Variants in ZMYM1 observed in about 807,000 individuals in gnomAD.
ZMYM1 encodes the protein zinc finger MYM-type containing 1.
ZMYM1 carries 39 observed loss-of-function variants against 60.0 expected under a neutral mutation model. The ratio of observed to expected loss-of-function variants is 0.65; its 90% CI spans 0.50 to 0.85. The LOEUF (loss-of-function observed/expected upper bound fraction) is 0.85, where lower values mean the gene tolerates loss of function less well. Among genes scored for constraint, ZMYM1 ranks in the 40% least tolerant of loss-of-function variants. ZMYM1 has a pLI of 0.00. For missense variants in ZMYM1, 1,171 were observed against 1,309.5 expected, an observed-to-expected ratio of 0.89 and a Z score of 1.63; for synonymous variants, 413 against 454.0, an observed-to-expected ratio of 0.91 and a Z score of 1.15.
intron 4 of ZMYM1, 54 bp downstream of exon 4, chr1:35,097,620 T>G: frequency 6.3e-7 from 1 of 1,582,878 alleles, no homozygotes; most frequent in Non-Finnish European, 8.7e-7. Context: ...TTCTTGATCA[T>G]AGTCTTAGTT....
intron 3 of ZMYM1, among the ~76,000 whole-genome samples, chr1:35,096,727 G>A (rs752602274): frequency 4.0e-5 from 6 of 151,830 alleles, no homozygotes; most frequent in East Asian, 1.9e-4. Flanking sequence ...ACGGAGTCTC[G>A]CTCTCGCTCT....
intron 6 of ZMYM1, 27 bp downstream of exon 6, chr1:35,104,796 C>T: frequency 6.3e-7 from 1 of 1,575,756 alleles, no homozygotes; most frequent in Non-Finnish European, 8.7e-7. Flanking sequence ...ATTGTTTCTT[C>T]TATTAACTGG....
At chr1:35,064,991 A>G (rs1254795438) in intron 1 of ZMYM1, among the ~76,000 whole-genome samples, 1 of 152,180 alleles carries the variant, frequency 6.6e-6, no homozygotes, top group East Asian at 1.9e-4. Context: ...ACGTATTTCT[A>G]AAACTTCTAA....
intron 1 of ZMYM1, among the ~76,000 whole-genome samples, chr1:35,081,393 T>G (rs1233874290): frequency 2.0e-5 from 3 of 152,194 alleles, no homozygotes; most frequent in Non-Finnish European, 4.4e-5. Flanking sequence ...TTTTTGATAT[T>G]GTCTTGGTTA....
Position 35,115,448 on chromosome 1 carries a change from A to G in ZMYM1, c.*189A>G. On this transcript the variant is annotated 3_prime_UTR_variant, in exon 10 of 10. Transcript: ENST00000359858. ...ATATCCCTCTAGAGGTATTTTTCCT[A>G]AGTGGTATTGTACGGTGTATACTGT... The G allele has an allele frequency of 3.4e-6, 2 of 589,192 alleles. No homozygotes were observed. Among genetic ancestry groups the G allele is most frequent in the Admixed American group, 7.3e-5 (2 of 27,520 alleles). 36.5% of individuals were successfully genotyped at this position (589,192 alleles called of 1,614,324 possible). A position where few individuals can be genotyped will look rare whatever the true frequency, so the allele number is the denominator to read the frequency against.
Position 35,097,586 on chromosome 1 carries a change from GC to G in ZMYM1, c.419+25del. On this transcript the variant is annotated intron_variant, in intron 4 of 9. Coordinates refer to ENST00000359858, the MANE Select transcript of ZMYM1 (RefSeq NM_024772.5). ...CTCAAAGTATATAATTCTAAATTAT[GC>G]CCCCTTTTATTTCCCTACCTTGTTC... is the stretch of plus-strand genomic sequence containing the variant. 4 of 1,612,280 alleles carry G rather than the reference GC, an allele frequency of 2.5e-6. No individual in the cohort carries two copies. The highest frequency in any genetic ancestry group is 2.5e-6 in the Non-Finnish European group (3 of 1,178,388).
At chr1:35,091,452 A>G (rs552148555) in intron 1 of ZMYM1, among the ~76,000 whole-genome samples, 4 of 152,106 alleles carry the variant, frequency 2.6e-5, no homozygotes, top group Non-Finnish European at 5.9e-5. Context: ...TGACCTCATG[A>G]TCCACCCGCC....
At position 35,060,613 on chromosome 1, in the gene ZMYM1, C is replaced by T. The variant is rs578215387; in HGVS notation, c.-301+688C>T. Reference sequence around the variant, plus strand: ...CAGAGGTAGCTCTCAGTCTGTGCTGCCTCCTTCGCCCCTCCTCTCCTGCTG... The same window carrying T: ...CAGAGGTAGCTCTCAGTCTGTGCTGTCTCCTTCGCCCCTCCTCTCCTGCTG... On this transcript the variant is annotated intron_variant, in intron 1 of 10. Transcript: ENST00000417119. Among the ~76,000 whole-genome samples the T allele has an allele frequency of 3.7e-3, 563 of 152,260 alleles. 4 individuals carry two copies. The highest frequency in any genetic ancestry group is 6.3e-3 in the Non-Finnish European group (427 of 68,026).
At chr1:35,076,901 C>T (rs546855205), upstream of ZMYM1, among the ~76,000 whole-genome samples, 16 of 150,166 alleles carry the variant, frequency 1.1e-4, no homozygotes, top group South Asian at 3.0e-3. Context: ...CGCCATTGCA[C>T]TCCAGCCAGG....
chr1:35,108,042 G>A (rs2148557512), intron 6 of ZMYM1, among the ~76,000 whole-genome samples: 1 of 151,988 alleles, frequency 6.6e-6, no homozygotes, highest in South Asian at 2.1e-4. Flanking sequence ...CCTGGGGAAG[G>A]TAAAGGTTGT....
rs781258604 is a variant in ZMYM1, at chr1:35,068,317, G to A, written c.-301+8392G>A. On this transcript the variant is annotated intron_variant, in intron 1 of 10. Transcript: ENST00000417119. Reference sequence around the variant, plus strand: ...GCCTGTAGTCCCAGCTACTCAGGAGGCTGAGACACAAGAATTGCTTGAACC... The same window carrying A: ...GCCTGTAGTCCCAGCTACTCAGGAGACTGAGACACAAGAATTGCTTGAACC... Among the ~76,000 whole-genome samples the A allele has an allele frequency of 9.4e-4, 142 of 151,250 alleles. 1 individual carries two copies. Among genetic ancestry groups the A allele is most frequent in the Non-Finnish European group, 1.1e-3 (73 of 67,898 alleles).
At position 35,111,988 on chromosome 1, in the gene ZMYM1, TTC is replaced by T. The variant is rs1397149835; in HGVS notation, c.1102+78_1102+79del. On this transcript the variant is annotated intron_variant, in intron 8 of 9. Coordinates refer to ENST00000359858, the MANE Select transcript of ZMYM1 (RefSeq NM_024772.5). The stretch of plus-strand genomic sequence containing the variant: ...GATAAATCTGTCTATATGCTAAATT[TTC>T]TTTTTGTTTCTTATATGAAATAAGC... 5 of 1,549,956 alleles carry T rather than the reference TTC, an allele frequency of 3.2e-6. No homozygotes were observed. In the African/African-American group the frequency reaches 5.6e-5, roughly 17 times the overall value.
intron 6 of ZMYM1, among the ~76,000 whole-genome samples, chr1:35,108,982 T>A (rs1643993871): frequency 6.6e-6 from 1 of 151,918 alleles, no homozygotes; most frequent in African/African-American, 2.4e-5. Flanking sequence ...AGTGCTGGGA[T>A]TACGGGCAAG....
Position 35,112,116 on chromosome 1 carries a change from G to C in ZMYM1, c.1132G>C (p.Asp378His). Reference sequence around the variant, plus strand: ...AGTTTCTTCAGTAACAGCAACAGCAGATGTCATTGTGGATGTAAGTTTTAA... The same window carrying C: ...AGTTTCTTCAGTAACAGCAACAGCACATGTCATTGTGGATGTAAGTTTTAA... ...DTVSSVTATA[D>H]VIVDLSKSSP... Residue 378 changes from aspartate to histidine, a missense_variant, in exon 9 of 10, where the codon GAT (aspartate) becomes CAT (histidine). Asp to His is a moderately conservative substitution (Grantham distance 81, BLOSUM62 -1). Coordinates refer to ENST00000359858, the MANE Select transcript of ZMYM1 (RefSeq NM_024772.5). The C allele has an allele frequency of 1.2e-6, 2 of 1,613,482 alleles. No individual in the cohort carries two copies. The highest frequency in any genetic ancestry group is 1.7e-5 in the Admixed American group (1 of 59,958).
intron 1 of ZMYM1, among the ~76,000 whole-genome samples, chr1:35,091,697 T>C (rs900496822): frequency 6.8e-6 from 1 of 147,960 alleles, no homozygotes; most frequent in African/African-American, 2.5e-5. Flanking sequence ...GAGTTCGAGA[T>C]CAGTCTGGGC....
chr1:35,080,088 G>T (rs1271077325), intron 1 of ZMYM1, among the ~76,000 whole-genome samples: 1 of 95,730 alleles, frequency 1.0e-5, no homozygotes, highest in African/African-American at 3.6e-5. Context: ...TCCAGAGCGA[G>T]ACCCCGTCTC....
chr1:35,101,759 C>T (rs1339936020), intron 4 of ZMYM1, among the ~76,000 whole-genome samples: 1 of 151,840 alleles, frequency 6.6e-6, no homozygotes, highest in African/African-American at 2.4e-5. Flanking sequence ...CGGGGTTGGC[C>T]AGGCTAGTCT....
intron 4 of ZMYM1, among the ~76,000 whole-genome samples, chr1:35,100,332 G>A (rs375571727): frequency 3.3e-5 from 5 of 151,540 alleles, no homozygotes; most frequent in East Asian, 2.0e-4. Flanking sequence ...AGAAAGATGC[G>A]ATTTGTGGGC....
At chr1:35,081,232 T>C (rs1642372064) in intron 1 of ZMYM1, among the ~76,000 whole-genome samples, 1 of 152,168 alleles carries the variant, frequency 6.6e-6, no homozygotes, top group South Asian at 2.1e-4. Context: ...AAATAAATCT[T>C]AGCAAAGTGT....
Sources: allele counts gnomAD v4.1 joint callset (sites outside exome capture counted in the v4.1 genomes callset), GRCh38; gene constraint gnomAD v4.1.1; transcripts MANE v1.5; gene names NCBI Gene and HGNC (gene_info 2026-07-23, HGNC 2026-07-21).